Variants in PTPN14 observed in about 807,000 individuals in gnomAD.
PTPN14 encodes protein tyrosine phosphatase non-receptor type 14, also known as tyrosine-protein phosphatase non-receptor type 14.
Under a neutral mutation model 126.8 loss-of-function variants are expected in PTPN14, and 53 were observed. The ratio of observed to expected loss-of-function variants is 0.42; its 90% CI spans 0.34 to 0.53. The LOEUF is 0.53. Among genes scored for constraint, PTPN14 ranks in the 20% least tolerant of loss-of-function variants. The probability of loss-of-function intolerance (pLI) is 0.08; values close to 1 mark genes in which losing one functional copy is unlikely to be tolerated. For missense variants in PTPN14, 1,257 were observed against 1,552.9 expected (o/e 0.81, Z 3.20); for synonymous variants, 630 against 599.3 (o/e 1.05, Z -0.75).
At position 214,372,649 on chromosome 1, in the gene PTPN14, C is replaced by T. The variant is rs1258598930; in HGVS notation, c.3036+62G>A. The T allele has an allele frequency of 3.1e-6, 5 of 1,610,668 alleles. No homozygotes were observed. In the African/African-American group the frequency reaches 4.0e-5, roughly 13 times the overall value. ...GGGTAGCAAAGTTGACAGCACAAAG[C>T]CCATCTTCTGGCCACCCTTTCCCCT... On this transcript the variant is annotated intron_variant, in intron 16 of 18. Transcript: ENST00000366956.
chr1:214,442,330 T>C (rs1660052843), intron 3 of PTPN14, among the ~76,000 whole-genome samples: 1 of 152,246 alleles, frequency 6.6e-6, no homozygotes, highest in Non-Finnish European at 1.5e-5. Context: ...TTGAGCATCA[T>C]GTTGGTGCTC....
rs1247210730 is a variant in PTPN14 at position 214,355,746 on chromosome 1, A to AATAT, written c.*2172_*2175dup. On this transcript the variant is annotated 3_prime_UTR_variant, in exon 19 of 19. Coordinates refer to ENST00000366956, the MANE Select transcript of PTPN14 (RefSeq NM_005401.5). ...TCCTATTCCGAAGAACTTAATGGGG[A>AATAT]ATATATACCTGTTGGCATGTGGTGA... 6.6e-6 allele frequency: 1 copy of AATAT among 152,108 alleles called. No individual in the cohort carries two copies. The highest frequency in any genetic ancestry group is 1.5e-5 in the Non-Finnish European group (1 of 68,024). The allele number at this position is 152,108 out of a possible 1,614,324, so 9.4% of individuals were successfully genotyped here. A position where few individuals can be genotyped will look rare whatever the true frequency, so the allele number is the denominator to read the frequency against.
In PTPN14 at chr1:214,355,289, T is replaced by C. The variant is rs1208534622; in HGVS notation, c.*2633A>G. On this transcript the variant is annotated 3_prime_UTR_variant, in exon 19 of 19. Transcript: ENST00000366956. ...CGACCTCAAAGACGCACCAGATCTA[T>C]ATGCTGTCCACATGAGACATATTCT... 1 of 152,178 alleles carries C rather than the reference T, an allele frequency of 6.6e-6. No individual in the cohort carries two copies. Among genetic ancestry groups the C allele is most frequent in the African/African-American group, 2.4e-5 (1 of 41,444 alleles). The allele number at this position is 152,178 out of a possible 1,614,324, so 9.4% of individuals were successfully genotyped here. A position where few individuals can be genotyped will look rare whatever the true frequency, so the allele number is the denominator to read the frequency against.
At chr1:214,442,935 C>T (rs946988396) in intron 3 of PTPN14, among the ~76,000 whole-genome samples, 10 of 151,862 alleles carry the variant, frequency 6.6e-5, no homozygotes, top group Non-Finnish European at 1.0e-4. Context: ...GCGATTCTCC[C>T]GCCTCAGCCT....
At chr1:214,517,832 C>CT (rs996649619) in intron 1 of PTPN14, among the ~76,000 whole-genome samples, 6 of 152,100 alleles carry the variant, frequency 3.9e-5, no homozygotes, top group Admixed American at 3.3e-4. Context: ...GTAATCCCAG[C>CT]TACTCTAGAG....
intron 12 of PTPN14, among the ~76,000 whole-genome samples, chr1:214,385,744 G>C (rs779145063): frequency 2.6e-5 from 4 of 152,212 alleles, no homozygotes; most frequent in African/African-American, 9.6e-5. Flanking sequence ...ACATTCAACT[G>C]TCTGAAGAGG....
At chr1:214,360,570 G>A (rs530583782) in intron 18 of PTPN14, among the ~76,000 whole-genome samples, 37 of 152,256 alleles carry the variant, frequency 2.4e-4, no homozygotes, top group African/African-American at 5.1e-4. Flanking sequence ...ATTACTCTGC[G>A]GTTGGGCACT....
chr1:214,407,468 C>T (rs1659197405), intron 5 of PTPN14, among the ~76,000 whole-genome samples: 1 of 151,398 alleles, frequency 6.6e-6, no homozygotes, highest in Non-Finnish European at 1.5e-5. Flanking sequence ...TGCACTCCAG[C>T]CTGGCAACAA....
chr1:214,399,676 G>A (rs1196031341), intron 7 of PTPN14, among the ~76,000 whole-genome samples: 1 of 152,064 alleles, frequency 6.6e-6, no homozygotes, highest in Admixed American at 6.5e-5. Flanking sequence ...CTTCAGTGCA[G>A]GGATATTTTC....
At chr1:214,461,570 T>C (rs1440231143) in intron 2 of PTPN14, among the ~76,000 whole-genome samples, 4 of 151,960 alleles carry the variant, frequency 2.6e-5, no homozygotes, top group Non-Finnish European at 5.9e-5. Context: ...GTTGAGGCTG[T>C]AGTGAGTCAT....
At position 214,404,575 on chromosome 1, in the gene PTPN14, G is replaced by A. The variant is rs953280392; in HGVS notation, c.511-1622C>T. Among the ~76,000 whole-genome samples the A allele has an allele frequency of 2.2e-4, 33 of 152,146 alleles. 1 individual carries two copies. The highest frequency in any genetic ancestry group is 4.6e-4 in the Admixed American group (7 of 15,284). ...TCAAAAAGTGTTCCATTAAATCTCC[G>A]TTTCCTACTTTTAAAAAGAAGCCCA... On this transcript the variant is annotated intron_variant, in intron 5 of 18. Transcript: ENST00000366956.
intron 11 of PTPN14, among the ~76,000 whole-genome samples, chr1:214,389,450 A>T (rs1658700676): frequency 6.6e-6 from 1 of 152,250 alleles, no homozygotes; most frequent in Admixed American, 6.5e-5. Flanking sequence ...ACGCCAAAAT[A>T]TAGACAGAAG....
chr1:214,544,699 C>G (rs939756255), intron 1 of PTPN14, among the ~76,000 whole-genome samples: 1 of 151,520 alleles, frequency 6.6e-6, no homozygotes, highest in Non-Finnish European at 1.5e-5. Context: ...TGCAGTGAGC[C>G]GAGATAGCAC....
At chr1:214,523,093 T>C (rs1268512840) in intron 1 of PTPN14, among the ~76,000 whole-genome samples, 2 of 152,182 alleles carry the variant, frequency 1.3e-5, no homozygotes, top group Admixed American at 1.3e-4. Context: ...TAATGTGCTA[T>C]TCATCCTTGG....
intron 3 of PTPN14, among the ~76,000 whole-genome samples, chr1:214,451,083 G>A (rs1381173612): frequency 6.6e-6 from 1 of 152,174 alleles, no homozygotes; most frequent in Non-Finnish European, 1.5e-5. Context: ...TTCGAAGTCT[G>A]ATACCACATT....
At chr1:214,491,616 C>CGG (rs1558127643) in intron 1 of PTPN14, among the ~76,000 whole-genome samples, 7 of 152,116 alleles carry the variant, frequency 4.6e-5, no homozygotes, top group African/African-American at 1.7e-4. Context: ...AGAGCTCAGG[C>CGG]AGTACTCACC....
intron 1 of PTPN14, among the ~76,000 whole-genome samples, chr1:214,548,806 C>T (rs1656035304): frequency 6.6e-6 from 1 of 152,164 alleles, no homozygotes; most frequent in Admixed American, 6.5e-5. Flanking sequence ...TCTAAAAATT[C>T]TGATTTTTCT....
chr1:214,410,615 G>T (rs115103849), intron 5 of PTPN14, among the ~76,000 whole-genome samples: 2,605 of 152,210 alleles, frequency 0.017, 81 homozygotes, highest in African/African-American at 0.059. Flanking sequence ...AATACATTTT[G>T]AATTTACTTT....
chr1:214,453,262 G>C (rs1400714598), intron 2 of PTPN14, among the ~76,000 whole-genome samples: 1 of 152,172 alleles, frequency 6.6e-6, no homozygotes, highest in Non-Finnish European at 1.5e-5. Context: ...AACTTACTTG[G>C]ATGAATTCTG....
Sources: gnomAD v4.1 joint callset for allele counts (sites outside exome capture counted in the v4.1 genomes callset) on GRCh38, gnomAD v4.1.1 for gene constraint, MANE v1.5 for transcripts, NCBI Gene and HGNC (gene_info 2026-07-23, HGNC 2026-07-21) for gene names.